NAPEPLD: variants seen among roughly 807,000 people sequenced by gnomAD.
The protein encoded by NAPEPLD is N-acyl-phosphatidylethanolamine-hydrolyzing phospholipase D.
A neutral mutation model predicts 38.1 loss-of-function variants in NAPEPLD; 23 were observed. That is an observed-to-expected ratio of 0.60 (90% CI 0.43 to 0.86). NAPEPLD has a LOEUF of 0.86. Ranked by LOEUF, NAPEPLD falls within the 40% of genes least tolerant of loss-of-function variation. The pLI, the probability that NAPEPLD is intolerant of heterozygous loss-of-function variation, is 0.00. For missense variants in NAPEPLD, 411 were observed against 476.8 expected, an observed-to-expected ratio of 0.86 and a Z score of 1.28; for synonymous variants, 147 against 162.0, an observed-to-expected ratio of 0.91 and a Z score of 0.71.
chr7:103,133,544 G>A (rs1391162527), intron 1 of NAPEPLD, among the ~76,000 whole-genome samples: 2 of 152,176 alleles, frequency 1.3e-5, no homozygotes, highest in African/African-American at 4.8e-5. Context: ...ACACAAGAAC[G>A]CTCCTCATGC....
At chr7:103,144,767 A>G (rs542714861) in intron 1 of NAPEPLD, among the ~76,000 whole-genome samples, 1 of 152,032 alleles carries the variant, frequency 6.6e-6, no homozygotes, top group South Asian at 2.1e-4. Flanking sequence ...CAGCACTTTC[A>G]GAGGCTGAAT....
At chr7:103,112,835 G>T (rs1034441623) in intron 4 of NAPEPLD, among the ~76,000 whole-genome samples, 1 of 152,006 alleles carries the variant, frequency 6.6e-6, no homozygotes, top group Non-Finnish European at 1.5e-5. Context: ...TAGTTATGAG[G>T]TTTATTCAAC....
chr7:103,147,298 A>C (rs1485413921), intron 1 of NAPEPLD, among the ~76,000 whole-genome samples: 2 of 152,254 alleles, frequency 1.3e-5, no homozygotes, highest in Non-Finnish European at 2.9e-5. Flanking sequence ...GTGCTCTTTA[A>C]CGATTAATTA....
At chr7:103,122,706 A>T (rs1260611240) in intron 2 of NAPEPLD, among the ~76,000 whole-genome samples, 1 of 152,216 alleles carries the variant, frequency 6.6e-6, no homozygotes, top group Non-Finnish European at 1.5e-5. Flanking sequence ...AAAGCAAGAA[A>T]GTTCCAACCC....
rs1400391737 is a variant in NAPEPLD at position 103,100,031 on chromosome 7, T to C, written c.*3398A>G. ...ACTTTAAATTTCATTTGTAAATACA[T>C]AGATGCAAGACTGTTTCCATAGGAA... is the stretch of plus-strand genomic sequence containing the variant. On this transcript the variant is annotated 3_prime_UTR_variant, in exon 5 of 5. Coordinates refer to ENST00000465647, the MANE Select transcript of NAPEPLD (RefSeq NM_001122838.3). The C allele has an allele frequency of 5.9e-5, 9 of 152,186 alleles. No individual in the cohort carries two copies. Among genetic ancestry groups the C allele is most frequent in the Admixed American group, 5.9e-4 (9 of 15,286 alleles). The allele number at this position is 152,186 out of a possible 1,614,324, so 9.4% of individuals were successfully genotyped here. A position where few individuals can be genotyped will look rare whatever the true frequency, so the allele number is the denominator to read the frequency against.
At chr7:103,149,462 A>G (rs1408668892), upstream of NAPEPLD, 1 of 1,264,780 alleles carries the variant, frequency 7.9e-7, no homozygotes. Flanking sequence ...GCAGCGCTTC[A>G]GCTCTCGCCG....
At chr7:103,142,896 T>TCAA (rs1811732753) in intron 1 of NAPEPLD, among the ~76,000 whole-genome samples, 1 of 151,664 alleles carries the variant, frequency 6.6e-6, no homozygotes. Context: ...GAGACAAAAG[T>TCAA]CAACAGTGGA....
At chr7:103,142,569 G>A (rs1166844736) in intron 1 of NAPEPLD, among the ~76,000 whole-genome samples, 1 of 152,184 alleles carries the variant, frequency 6.6e-6, no homozygotes, top group Non-Finnish European at 1.5e-5. Flanking sequence ...TCGTGCCACT[G>A]CACTGCAGCC....
At chr7:103,134,330 G>T (rs1809585976) in intron 1 of NAPEPLD, among the ~76,000 whole-genome samples, 1 of 152,170 alleles carries the variant, frequency 6.6e-6, no homozygotes, top group Non-Finnish European at 1.5e-5. Flanking sequence ...ACAAACCCCT[G>T]TGACAATTGT....
At chr7:103,110,531 A>G (rs1404127585) in intron 4 of NAPEPLD, among the ~76,000 whole-genome samples, 2 of 152,202 alleles carry the variant, frequency 1.3e-5, no homozygotes, top group African/African-American at 2.4e-5. Context: ...ACAAAATTCA[A>G]CAACCCTTCA....
intron 1 of NAPEPLD, chr7:103,141,762 G>A: frequency 1.2e-6 from 1 of 853,132 alleles, no homozygotes; most frequent in East Asian, 2.4e-5. Context: ...CATCAAGCGG[G>A]GGAATGGACC....
Position 103,119,854 on chromosome 7 carries a change from A to G in NAPEPLD, c.664T>C (p.Cys222Arg). The stretch of plus-strand genomic sequence containing the variant: ...AACTCAATCACATTCTCACAGCCAC[A>G]TTTTTGCATCCAGTCAAGGAGACCC... ...PLGLLDWMQK[C>R]GCENVIELDW... is the part of the protein sequence containing the mutation. Residue 222 changes from cysteine to arginine, a missense_variant, in exon 3 of 5, where the codon TGT (cysteine) becomes CGT (arginine). Cys to Arg is a radical substitution (Grantham distance 180). Transcript: ENST00000465647. 3.1e-6 allele frequency: 5 copies of G among 1,614,114 alleles called. No individual in the cohort carries two copies. The highest frequency in any genetic ancestry group is 4.2e-6 in the Non-Finnish European group (5 of 1,180,030).
At chr7:103,142,304 T>C (rs1398533399) in intron 1 of NAPEPLD, among the ~76,000 whole-genome samples, 1 of 152,068 alleles carries the variant, frequency 6.6e-6, no homozygotes, top group African/African-American at 2.4e-5. Flanking sequence ...ACCACATTGC[T>C]AGGTAGAAAG....
chr7:103,103,016 A>G lies in NAPEPLD; in HGVS notation c.*413T>C, dbSNP rs1802618027. 6.5e-6 allele frequency: 1 copy of G among 153,092 alleles called. No individual in the cohort carries two copies. Among genetic ancestry groups the G allele is most frequent in the Non-Finnish European group, 1.5e-5 (1 of 68,390 alleles). The allele number at this position is 153,092 out of a possible 1,614,324, so 9.5% of individuals were successfully genotyped here. On this transcript the variant is annotated 3_prime_UTR_variant, in exon 5 of 5. Coordinates refer to ENST00000465647, the MANE Select transcript of NAPEPLD (RefSeq NM_001122838.3). ...AGATACTTGTATTTGTAGGCCTCTG[A>G]AAAACATCTAGGTAGGTAGAGAGCC...
intron 4 of NAPEPLD, among the ~76,000 whole-genome samples, chr7:103,106,347 G>T (rs573878300): frequency 2.0e-5 from 3 of 151,828 alleles, no homozygotes; most frequent in African/African-American, 7.3e-5. Flanking sequence ...CTAGCTGCGG[G>T]AGCTTTTTTT....
intron 4 of NAPEPLD, among the ~76,000 whole-genome samples, chr7:103,111,000 C>G (rs1250970356): frequency 6.6e-6 from 1 of 152,082 alleles, no homozygotes; most frequent in Non-Finnish European, 1.5e-5. Flanking sequence ...GAGTGAACTC[C>G]CATTCTCAAT....
chr7:103,125,890 A>AAATAATAATAAT (rs142799732), intron 2 of NAPEPLD, among the ~76,000 whole-genome samples: 2,358 of 145,332 alleles, frequency 0.016, 71 homozygotes, highest in African/African-American at 0.055. Flanking sequence ...TCTGTCTCAA[A>AAATAATAATAAT]AATAATAATA....
At chr7:103,146,440 C>T (rs1011150887) in intron 1 of NAPEPLD, among the ~76,000 whole-genome samples, 1 of 151,908 alleles carries the variant, frequency 6.6e-6, no homozygotes, top group African/African-American at 2.4e-5. Context: ...AGAGAGATTA[C>T]AAAATCACGC....
rs1355232774 is a variant in NAPEPLD at position 103,101,343 on chromosome 7, A to T, written c.*2086T>A. The T allele has an allele frequency of 6.6e-6, 1 of 152,166 alleles. No individual in the cohort carries two copies. Among genetic ancestry groups the T allele is most frequent in the Non-Finnish European group, 1.5e-5 (1 of 68,034 alleles). The allele number at this position is 152,166 out of a possible 1,614,324, so 9.4% of individuals were successfully genotyped here. On this transcript the variant is annotated 3_prime_UTR_variant, in exon 5 of 5. Transcript: ENST00000465647. ...TACATCATATACACACACATTGCAT[A>T]CACATTTCCCCTTGACTGATTCGCA...
Sources: allele counts gnomAD v4.1 joint callset (sites outside exome capture counted in the v4.1 genomes callset), GRCh38; gene constraint gnomAD v4.1.1; transcripts MANE v1.5; gene names NCBI Gene and HGNC (gene_info 2026-07-23, HGNC 2026-07-21).